The following PRKAG2 variants were observed in gnomAD, a reference collection of about 807,000 sequenced individuals.
PRKAG2 encodes 5'-AMP-activated protein kinase subunit gamma-2.
A neutral mutation model predicts 69.6 loss-of-function variants in PRKAG2; 26 were observed. The ratio of observed to expected loss-of-function variants is 0.37; its 90% CI spans 0.27 to 0.52. PRKAG2 has a LOEUF of 0.52. Ranked by LOEUF, PRKAG2 falls within the 20% of genes least tolerant of loss-of-function variation. The pLI, the probability that PRKAG2 is intolerant of heterozygous loss-of-function variation, is 0.90. For missense variants in PRKAG2, 557 were observed against 740.0 expected (o/e 0.75, Z 2.87); for synonymous variants, 293 against 285.0 (o/e 1.03, Z -0.28).
intron 1 of PRKAG2, among the ~76,000 whole-genome samples, chr7:151,841,348 A>AATG (rs1211764361): frequency 6.6e-6 from 1 of 151,070 alleles, no homozygotes; most frequent in Non-Finnish European, 1.5e-5. Context: ...GGTAGGTAGT[A>AATG]ATGATAGTGA....
intron 14 of PRKAG2, among the ~76,000 whole-genome samples, chr7:151,561,590 T>C (rs1804959603): frequency 6.6e-6 from 1 of 152,250 alleles, no homozygotes; most frequent in African/African-American, 2.4e-5. Flanking sequence ...GGTGTTTCTG[T>C]AACAGGCCTT....
chr7:151,719,673 T>C lies in PRKAG2; in HGVS notation c.467-44036A>G, dbSNP rs1796725947. On this transcript the variant is annotated intron_variant, in intron 3 of 15. Coordinates refer to ENST00000287878, the MANE Select transcript of PRKAG2 (RefSeq NM_016203.4). This position sits in a 1 kb window ranked among gnomAD's most constrained non-coding sequence, Gnocchi z 5.2. Reference sequence around the variant, plus strand: ...CTCTCAAGGGACCTGCATTCCTGCCTGGGTCCCGCCCACAGCACCACTGTC... The same window carrying C: ...CTCTCAAGGGACCTGCATTCCTGCCCGGGTCCCGCCCACAGCACCACTGTC... 6.6e-6 allele frequency among the ~76,000 whole-genome samples: 1 copy of C among 152,164 alleles called. No individual in the cohort carries two copies. Among genetic ancestry groups the C allele is most frequent in the African/African-American group, 2.4e-5 (1 of 41,460 alleles).
chr7:151,799,473 C>T (rs968976140), intron 1 of PRKAG2, among the ~76,000 whole-genome samples: 1 of 152,218 alleles, frequency 6.6e-6, no homozygotes, highest in Non-Finnish European at 1.5e-5. Flanking sequence ...CACTTGGGTT[C>T]TGCGGGCACC....
At chr7:151,852,660 C>A (rs138917476) in intron 1 of PRKAG2, among the ~76,000 whole-genome samples, 1 of 152,148 alleles carries the variant, frequency 6.6e-6, no homozygotes, top group African/African-American at 2.4e-5. Context: ...AGAACCGCCC[C>A]AGGACCACAG....
chr7:151,663,562 C>T (rs1830624455), intron 4 of PRKAG2, among the ~76,000 whole-genome samples: 1 of 152,022 alleles, frequency 6.6e-6, no homozygotes, highest in African/African-American at 2.4e-5. Flanking sequence ...GGGGTTTTGC[C>T]GTGTTGAGGC....
intron 3 of PRKAG2, chr7:151,736,368 T>C (rs539797658): frequency 9.9e-7 from 1 of 1,012,622 alleles, no homozygotes; most frequent in Non-Finnish European, 1.2e-6. Context: ...AGCTGCTCAC[T>C]GATACTCTCC....
intron 1 of PRKAG2, among the ~76,000 whole-genome samples, chr7:151,860,419 C>T (rs1037153899): frequency 2.6e-5 from 4 of 152,214 alleles, no homozygotes; most frequent in Admixed American, 6.5e-5. Flanking sequence ...CTGGCATCCA[C>T]GCCTGTACTG....
At chr7:151,640,233 C>T (rs1379266623) in intron 4 of PRKAG2, among the ~76,000 whole-genome samples, 1 of 152,084 alleles carries the variant, frequency 6.6e-6, no homozygotes, top group Non-Finnish European at 1.5e-5. Flanking sequence ...TTGTTTGAAC[C>T]TGGGAGGCGG....
At position 151,821,609 on chromosome 7, in the gene PRKAG2, A is replaced by ATT. The variant is rs36040337; in HGVS notation, c.115-35070_115-35069dup. ...AACATAAACCACACTGCACAAAACC[A>ATT]TTTTTTTTCTACAAATTGCCCTCTA... is the stretch of plus-strand genomic sequence containing the variant. On this transcript the variant is annotated intron_variant, in intron 1 of 15. Coordinates refer to ENST00000287878, the MANE Select transcript of PRKAG2 (RefSeq NM_016203.4). 1.1e-3 allele frequency among the ~76,000 whole-genome samples: 162 copies of ATT among 151,848 alleles called. 3 individuals are homozygous for ATT. The East Asian group carries it at 0.026, about 25-fold the overall frequency.
chr7:151,722,743 C>T (rs746467756), intron 3 of PRKAG2, among the ~76,000 whole-genome samples: 3 of 152,112 alleles, frequency 2.0e-5, no homozygotes, highest in Non-Finnish European at 2.9e-5. Flanking sequence ...AGCTCAACAC[C>T]GATTCCCAGT....
intron 3 of PRKAG2, among the ~76,000 whole-genome samples, chr7:151,775,482 G>C (rs2076294900): frequency 6.6e-6 from 1 of 152,124 alleles, no homozygotes; most frequent in Non-Finnish European, 1.5e-5. Context: ...TTCCGTAAAT[G>C]CCCCCAAATC....
chr7:151,557,120 T>G lies in PRKAG2; in HGVS notation c.*81A>C. 6.3e-7 allele frequency: 1 copy of G among 1,599,582 alleles called. No individual in the cohort carries two copies. Among genetic ancestry groups the G allele is most frequent in the Non-Finnish European group, 8.6e-7 (1 of 1,166,896 alleles). On this transcript the variant is annotated 3_prime_UTR_variant, in exon 16 of 16. Transcript: ENST00000287878. The stretch of plus-strand genomic sequence containing the variant: ...ACCCTGATATACATTCTTAACCACT[T>G]GCAGCCAGTGTTCATGAGGCAAAAC...
At chr7:151,564,020 C>G in intron 14 of PRKAG2, 58 bp downstream of exon 14, 1 of 1,611,044 alleles carries the variant, frequency 6.2e-7, no homozygotes, top group Non-Finnish European at 8.5e-7. Flanking sequence ...GCATCATTCA[C>G]TACTGGGGAC....
chr7:151,867,322 G>A (rs1261807902), intron 1 of PRKAG2, among the ~76,000 whole-genome samples: 2 of 152,186 alleles, frequency 1.3e-5, no homozygotes, highest in African/African-American at 4.8e-5. Flanking sequence ...TTCTCTCATT[G>A]CTCTAGAGGC....
At chr7:151,624,080 T>C (rs1251825757) in intron 5 of PRKAG2, among the ~76,000 whole-genome samples, 6 of 151,980 alleles carry the variant, frequency 3.9e-5, no homozygotes, top group Non-Finnish European at 5.9e-5. Flanking sequence ...AGAAACCTCA[T>C]TGATGTTATA....
At chr7:151,810,989 T>A (rs1405846282) in intron 1 of PRKAG2, among the ~76,000 whole-genome samples, 1 of 151,772 alleles carries the variant, frequency 6.6e-6, no homozygotes, top group Non-Finnish European at 1.5e-5. Context: ...GGACCCCAGG[T>A]GGCGGAGAGG....
chr7:151,568,559 A>T (rs531226464), intron 11 of PRKAG2, 157 bp downstream of exon 11: 22 of 732,924 alleles, frequency 3.0e-5, no homozygotes, highest in Non-Finnish European at 4.9e-5. Flanking sequence ...AGAATGTACA[A>T]TTCAGAGAGT....
chr7:151,749,889 G>A lies in PRKAG2; in HGVS notation c.466+31263C>T, dbSNP rs1369332678. 2.6e-5 allele frequency among the ~76,000 whole-genome samples: 4 copies of A among 152,042 alleles called. No homozygotes were observed. The East Asian group carries it at 7.7e-4, about 29-fold the overall frequency. On this transcript the variant is annotated intron_variant, in intron 3 of 15. Transcript: ENST00000287878. ...AGGTGGGCAGATCACGTGAGGTCAG[G>A]AGTTTGAGACCAGCCTGGCCAACAT...
At chr7:151,855,236 C>CAT in intron 1 of PRKAG2, among the ~76,000 whole-genome samples, 3 of 136,364 alleles carry the variant, frequency 2.2e-5, no homozygotes, top group Non-Finnish European at 3.2e-5. Flanking sequence ...CCACACACAC[C>CAT]GCCCTCCACA....
Sources: gnomAD v4.1 joint callset for allele counts (sites outside exome capture counted in the v4.1 genomes callset) on GRCh38, gnomAD v4.1.1 for gene constraint, Gnocchi (gnomAD v3.1) non-coding constraint, MANE v1.5 for transcripts, NCBI Gene and HGNC (gene_info 2026-07-23, HGNC 2026-07-21) for gene names.